HCN1: variants seen among roughly 807,000 people sequenced by gnomAD.
HCN1 encodes the protein hyperpolarization activated cyclic nucleotide gated potassium channel 1.
A neutral mutation model predicts 78.9 loss-of-function variants in HCN1; 13 were observed. That is an observed-to-expected ratio of 0.16 (90% CI 0.11 to 0.26). The LOEUF (loss-of-function observed/expected upper bound fraction) is 0.26, where lower values mean the gene tolerates loss of function less well. HCN1 is among the 10% of genes least tolerant of loss of function. The pLI is 1.00. For missense variants in HCN1, 810 were observed against 1,154.3 expected (o/e 0.70, Z 4.32); for synonymous variants, 552 against 455.5 (o/e 1.21, Z -2.70).
At chr5:45,618,438 C>G (rs1187819185) in intron 2 of HCN1, among the ~76,000 whole-genome samples, 1 of 152,146 alleles carries the variant, frequency 6.6e-6, no homozygotes, top group South Asian at 2.1e-4. Flanking sequence ...TTTTAAGGAG[C>G]TAGATTGATT....
intron 2 of HCN1, among the ~76,000 whole-genome samples, chr5:45,544,821 T>C (rs1403245316): frequency 2.0e-5 from 3 of 152,194 alleles, no homozygotes; most frequent in Non-Finnish European, 4.4e-5. Context: ...GGTATGTATG[T>C]GTCACATTTT....
intron 4 of HCN1, among the ~76,000 whole-genome samples, chr5:45,354,049 CAGAG>C (rs144134719): frequency 6.7e-6 from 1 of 149,804 alleles, no homozygotes; most frequent in Non-Finnish European, 1.5e-5. Context: ...CACACACACC[CAGAG>C]AGAGAGAGAG....
At chr5:45,403,083 G>T (rs1739856896) in intron 3 of HCN1, among the ~76,000 whole-genome samples, 1 of 152,066 alleles carries the variant, frequency 6.6e-6, no homozygotes, top group African/African-American at 2.4e-5. Context: ...CATGAAGAGT[G>T]AATGATTAGG....
At chr5:45,567,928 AC>A in intron 2 of HCN1, among the ~76,000 whole-genome samples, 1 of 151,370 alleles carries the variant, frequency 6.6e-6, no homozygotes, top group South Asian at 2.1e-4. Flanking sequence ...ACACACACAC[AC>A]ACACACACAC....
intron 3 of HCN1, among the ~76,000 whole-genome samples, chr5:45,442,786 C>T (rs1287287037): frequency 1.3e-5 from 2 of 151,998 alleles, no homozygotes; most frequent in Non-Finnish European, 2.9e-5. Context: ...TGCCTTTTAT[C>T]TTACATTTGG....
chr5:45,478,374 G>C (rs764017186), intron 2 of HCN1, among the ~76,000 whole-genome samples: 4 of 152,150 alleles, frequency 2.6e-5, no homozygotes, highest in Non-Finnish European at 4.4e-5. Context: ...TAATTATGTA[G>C]AATGTTAGCA....
chr5:45,463,665 T>C (rs1315770146), intron 2 of HCN1, among the ~76,000 whole-genome samples: 2 of 152,038 alleles, frequency 1.3e-5, no homozygotes, highest in Non-Finnish European at 2.9e-5. Context: ...CTACTAACAA[T>C]TTCATCAATA....
intron 2 of HCN1, among the ~76,000 whole-genome samples, chr5:45,581,695 G>C (rs536640330): frequency 6.6e-6 from 1 of 152,132 alleles, no homozygotes; most frequent in African/African-American, 2.4e-5. Flanking sequence ...ATTAATTTTT[G>C]TATAAGGTGT....
chr5:45,660,561 C>T (rs1021003585), intron 1 of HCN1, among the ~76,000 whole-genome samples: 191 of 152,092 alleles, frequency 1.3e-3, no homozygotes, highest in African/African-American at 4.0e-3. Flanking sequence ...GGAAACCCAT[C>T]TCATGTGCAG....
intron 2 of HCN1, among the ~76,000 whole-genome samples, chr5:45,465,879 A>C (rs1741261124): frequency 6.6e-6 from 1 of 152,158 alleles, no homozygotes; most frequent in South Asian, 2.1e-4. Context: ...TGTTCATGTG[A>C]CCTTAATAAG....
At chr5:45,498,691 G>GT (rs970481926) in intron 2 of HCN1, among the ~76,000 whole-genome samples, 4 of 152,112 alleles carry the variant, frequency 2.6e-5, no homozygotes, top group African/African-American at 9.7e-5. Flanking sequence ...TTTTTCTGCT[G>GT]TTTTTTCCCC....
At chr5:45,611,313 C>T (rs1220961015) in intron 2 of HCN1, among the ~76,000 whole-genome samples, 3 of 118,994 alleles carry the variant, frequency 2.5e-5, no homozygotes, top group Non-Finnish European at 4.9e-5. Flanking sequence ...GCTCTGTTGT[C>T]CAGGCTGGAG....
intron 1 of HCN1, among the ~76,000 whole-genome samples, chr5:45,690,624 T>A (rs1308175821): frequency 2.6e-5 from 4 of 152,044 alleles, no homozygotes; most frequent in African/African-American, 4.8e-5. Flanking sequence ...CCAGATGCCT[T>A]CACAAAGAAA....
intron 6 of HCN1, among the ~76,000 whole-genome samples, chr5:45,278,627 G>C (rs1745107859): frequency 6.6e-6 from 1 of 152,016 alleles, no homozygotes; most frequent in Admixed American, 6.6e-5. Context: ...GCTTAAGTAT[G>C]GGTTGATAAG....
intron 2 of HCN1, among the ~76,000 whole-genome samples, chr5:45,523,988 T>C (rs1304771630): frequency 2.6e-5 from 4 of 152,152 alleles, no homozygotes; most frequent in Non-Finnish European, 5.9e-5. Flanking sequence ...GTTTTTATGG[T>C]TTTAGGTCTA....
At chr5:45,445,267 G>A (rs948757113) in intron 3 of HCN1, among the ~76,000 whole-genome samples, 1 of 152,184 alleles carries the variant, frequency 6.6e-6, no homozygotes, top group South Asian at 2.1e-4. Context: ...CTACGCCCAG[G>A]TAGTCTCACT....
intron 3 of HCN1, among the ~76,000 whole-genome samples, chr5:45,424,061 G>A (rs1461289042): frequency 4.8e-5 from 7 of 147,072 alleles, no homozygotes; most frequent in Non-Finnish European, 1.0e-4. Context: ...GGATCACGAG[G>A]TCAGGAAATC....
At chr5:45,421,458 C>T (rs955799230) in intron 3 of HCN1, among the ~76,000 whole-genome samples, 1 of 151,852 alleles carries the variant, frequency 6.6e-6, no homozygotes. Context: ...CAGCAATAAG[C>T]AACTATATGG....
At chr5:45,273,217 T>C (rs1235502124) in intron 6 of HCN1, among the ~76,000 whole-genome samples, 4 of 151,860 alleles carry the variant, frequency 2.6e-5, no homozygotes, top group African/African-American at 4.8e-5. Context: ...CTAGTTAAGA[T>C]GAAAACTATT....
Sources: gnomAD v4.1 joint callset for allele counts (sites outside exome capture counted in the v4.1 genomes callset) on GRCh38, gnomAD v4.1.1 for gene constraint, MANE v1.5 for transcripts, NCBI Gene and HGNC (gene_info 2026-07-23, HGNC 2026-07-21) for gene names.